The following RERE variants were observed in gnomAD, a reference collection of about 807,000 sequenced individuals.
RERE encodes arginine-glutamic acid dipeptide repeats protein.
In RERE, 40 loss-of-function variants were observed where a neutral mutation model predicts 146.1. The observed-to-expected ratio is 0.27, with a 90% CI of 0.21 to 0.36. The LOEUF is 0.36. Ranked by LOEUF, RERE falls within the 10% of genes least tolerant of loss-of-function variation. The pLI, the probability that RERE is intolerant of heterozygous loss-of-function variation, is 1.00. For synonymous variants in RERE, 1,003 were observed against 866.0 expected (o/e 1.16, Z -2.78); for missense variants, 1,933 against 2,138.7 (o/e 0.90, Z 1.90).
chr1:8,403,614 C>T (rs1298917487), intron 12 of RERE, among the ~76,000 whole-genome samples: 1 of 150,528 alleles, frequency 6.6e-6, no homozygotes, highest in African/African-American at 2.4e-5. Flanking sequence ...GATCCTCTGG[C>T]CTTGGCCTCC....
chr1:8,492,736 CA>C (rs79472973), intron 10 of RERE, among the ~76,000 whole-genome samples: 16 of 152,198 alleles, frequency 1.1e-4, no homozygotes, highest in Non-Finnish European at 2.1e-4. Context: ...CTCATCTTGA[CA>C]AAAAAAATTT....
chr1:8,554,316 G>A (rs959326970), intron 6 of RERE, among the ~76,000 whole-genome samples: 16 of 152,188 alleles, frequency 1.1e-4, no homozygotes, highest in African/African-American at 3.6e-4. Context: ...ACTCTAAATC[G>A]ATTAAAATCT....
intron 1 of RERE, among the ~76,000 whole-genome samples, chr1:8,680,492 C>T (rs1638939155): frequency 6.6e-6 from 1 of 152,086 alleles, no homozygotes; most frequent in Admixed American, 6.6e-5. Flanking sequence ...AAAATGTTTC[C>T]AGAAGGACTC....
chr1:8,408,570 A>T (rs111466648), intron 12 of RERE, among the ~76,000 whole-genome samples: 4 of 152,176 alleles, frequency 2.6e-5, no homozygotes, highest in Admixed American at 6.5e-5. Context: ...TGAGCTTCAC[A>T]GATCATTAAA....
intron 1 of RERE, among the ~76,000 whole-genome samples, chr1:8,711,464 G>A (rs573563479): frequency 2.0e-5 from 3 of 152,276 alleles, no homozygotes; most frequent in African/African-American, 7.2e-5. Flanking sequence ...TATGTTTAAG[G>A]ACATTTTCAT....
intron 11 of RERE, among the ~76,000 whole-genome samples, chr1:8,453,993 AT>A (rs1486922375): frequency 6.6e-6 from 1 of 152,184 alleles, no homozygotes; most frequent in Non-Finnish European, 1.5e-5. Flanking sequence ...ACCTCCACAG[AT>A]TTTAATATTA....
chr1:8,423,045 G>C lies in RERE; in HGVS notation c.1204-238C>G, dbSNP rs541860206. On this transcript the variant is annotated intron_variant, in intron 11 of 22. Coordinates refer to ENST00000400908, the MANE Select transcript of RERE (RefSeq NM_001042681.2). The surrounding 1 kb of genome is among the most constrained non-coding windows in gnomAD (Gnocchi z 5.4). Reference sequence around the variant, plus strand: ...ACCACGCAGGGCAGCGCGTTTAAGAGAAGGACGTCCTGCGTCTGAGGCTAA... The same window carrying C: ...ACCACGCAGGGCAGCGCGTTTAAGACAAGGACGTCCTGCGTCTGAGGCTAA... 2.2e-5 allele frequency: 11 copies of C among 496,224 alleles called. No individual in the cohort carries two copies. In the South Asian group the frequency reaches 2.7e-4, roughly 12 times the overall value. The allele number at this position is 496,224 out of a possible 1,614,324, so 30.7% of individuals were successfully genotyped here.
chr1:8,545,980 G>GTTTTTT (rs1480930167), intron 6 of RERE, among the ~76,000 whole-genome samples: 17 of 75,366 alleles, frequency 2.3e-4, no homozygotes, highest in Admixed American at 3.5e-4. Context: ...ACCATACCCA[G>GTTTTTT]TCTTTTTTTT....
At chr1:8,626,762 A>C (rs1646978093) in intron 2 of RERE, among the ~76,000 whole-genome samples, 1 of 152,218 alleles carries the variant, frequency 6.6e-6, no homozygotes, top group Admixed American at 6.5e-5. Context: ...GGTCTGTAAT[A>C]GACAGTGCTC....
chr1:8,529,119 T>TA, intron 7 of RERE, among the ~76,000 whole-genome samples: 1 of 152,232 alleles, frequency 6.6e-6, no homozygotes, highest in African/African-American at 2.4e-5. Flanking sequence ...TATGGCAAAA[T>TA]ACTAACAACT....
intron 11 of RERE, among the ~76,000 whole-genome samples, chr1:8,443,232 G>A (rs1443743441): frequency 1.3e-5 from 2 of 152,122 alleles, no homozygotes; most frequent in Non-Finnish European, 2.9e-5. Context: ...AGAGGCCGCG[G>A]CGGGTGGATC....
intron 1 of RERE, among the ~76,000 whole-genome samples, chr1:8,770,246 A>T (rs2124544435): frequency 6.6e-6 from 1 of 152,312 alleles, no homozygotes; most frequent in South Asian, 2.1e-4. Context: ...TCAGAATATT[A>T]TTGAAATAGT....
At chr1:8,527,829 A>T (rs1443836197) in intron 7 of RERE, among the ~76,000 whole-genome samples, 2 of 151,354 alleles carry the variant, frequency 1.3e-5, no homozygotes, top group African/African-American at 2.4e-5. Flanking sequence ...CACACCCCAG[A>T]TCTCCTCTCC....
chr1:8,670,777 G>A (rs1361862455), intron 1 of RERE, among the ~76,000 whole-genome samples: 1 of 152,198 alleles, frequency 6.6e-6, no homozygotes, highest in Admixed American at 6.5e-5. Context: ...ATTGGAGATG[G>A]AGAGATAGCT....
rs1416454280 is a variant in RERE, at chr1:8,364,724, G to A, written c.1540+22C>T. The A allele has an allele frequency of 6.3e-7, 1 of 1,585,924 alleles. No homozygotes were observed. Among genetic ancestry groups the A allele is most frequent in the Non-Finnish European group, 8.7e-7 (1 of 1,154,378 alleles). ...GTGCTTGTGCCCCCGCCCCGCCCCA[G>A]GAGCGTGACGAGGCCACTTACTGGT... On this transcript the variant is annotated intron_variant, in intron 14 of 22. Transcript: ENST00000400908. This position sits in a 1 kb window ranked among gnomAD's most constrained non-coding sequence, Gnocchi z 5.1.
intron 1 of RERE, among the ~76,000 whole-genome samples, chr1:8,698,245 T>G (rs1639375925): frequency 6.6e-6 from 1 of 152,218 alleles, no homozygotes; most frequent in Admixed American, 6.5e-5. Context: ...CTCAGGTTGT[T>G]TGTGCAAAAC....
At chr1:8,787,667 C>A (rs974745869) in intron 1 of RERE, among the ~76,000 whole-genome samples, 1 of 151,874 alleles carries the variant, frequency 6.6e-6, no homozygotes, top group African/African-American at 2.4e-5. Context: ...CTCGTCTCTA[C>A]TAAAATTACA....
intron 12 of RERE, among the ~76,000 whole-genome samples, chr1:8,421,460 TTC>T (rs756308364): frequency 2.0e-5 from 3 of 152,236 alleles, no homozygotes; most frequent in East Asian, 1.9e-4. Context: ...ATAAACAGGT[TTC>T]TCTCTCTCTG....
intron 11 of RERE, among the ~76,000 whole-genome samples, chr1:8,461,689 G>A (rs1644528605): frequency 6.6e-6 from 1 of 152,134 alleles, no homozygotes; most frequent in African/African-American, 2.4e-5. Context: ...CTCCTATTGT[G>A]TGATTCTGAG....
Sources: gnomAD v4.1 joint callset for allele counts (sites outside exome capture counted in the v4.1 genomes callset) on GRCh38, gnomAD v4.1.1 for gene constraint, Gnocchi (gnomAD v3.1) non-coding constraint, MANE v1.5 for transcripts, NCBI Gene and HGNC (gene_info 2026-07-23, HGNC 2026-07-21) for gene names.